The following PDGFC variants were observed in gnomAD, a reference collection of about 807,000 sequenced individuals.
PDGFC encodes the protein platelet derived growth factor C, also known as platelet-derived growth factor C.
Under a neutral mutation model 35.5 loss-of-function variants are expected in PDGFC, and 12 were observed. That is an observed-to-expected ratio of 0.34 (90% CI 0.22 to 0.55). The LOEUF is 0.55. Ranked by LOEUF, PDGFC falls within the 20% of genes least tolerant of loss-of-function variation. The pLI, the probability that PDGFC is intolerant of heterozygous loss-of-function variation, is 0.91. For missense variants in PDGFC, 322 were observed against 412.4 expected (o/e 0.78, Z 1.90); for synonymous variants, 159 against 148.8 (o/e 1.07, Z -0.50).
At chr4:156,784,596 A>G (rs1371711718) in intron 3 of PDGFC, among the ~76,000 whole-genome samples, 1 of 152,180 alleles carries the variant, frequency 6.6e-6, no homozygotes, top group Non-Finnish European at 1.5e-5. Flanking sequence ...ATAAGAAAGA[A>G]TCATAGATTT....
At chr4:156,821,520 T>G (rs547928090) in intron 2 of PDGFC, among the ~76,000 whole-genome samples, 8 of 151,972 alleles carry the variant, frequency 5.3e-5, no homozygotes, top group Non-Finnish European at 1.2e-4. Flanking sequence ...GGGTTACAGA[T>G]GTGAACCACC....
intron 1 of PDGFC, among the ~76,000 whole-genome samples, chr4:156,880,520 A>G (rs986608760): frequency 6.6e-6 from 1 of 152,184 alleles, no homozygotes; most frequent in African/African-American, 2.4e-5. Context: ...GCAGATGTAC[A>G]AGGATATTAA....
In PDGFC at chr4:156,804,156, T is replaced by C. The variant is rs150074878; in HGVS notation, c.495+6681A>G. ...ATCTATTCATATAAAATTCATTTGTTTGAATATAAAAAAATTCACCAAAAT... is the reference window on the plus strand; with the variant it reads ...ATCTATTCATATAAAATTCATTTGTCTGAATATAAAAAAATTCACCAAAAT... On this transcript the variant is annotated intron_variant, in intron 3 of 5. Coordinates refer to ENST00000502773, the MANE Select transcript of PDGFC (RefSeq NM_016205.3). Among the ~76,000 whole-genome samples, 19 of 152,112 alleles carry C rather than the reference T, an allele frequency of 1.2e-4. No homozygotes were observed. In the East Asian group the frequency reaches 1.3e-3, roughly 11 times the overall value.
intron 3 of PDGFC, among the ~76,000 whole-genome samples, chr4:156,797,236 T>TA (rs1330451729): frequency 4.1e-4 from 48 of 117,946 alleles, no homozygotes; most frequent in South Asian, 5.3e-4. Context: ...ACAATCAGTC[T>TA]AAAAAAAAAA....
intron 2 of PDGFC, among the ~76,000 whole-genome samples, chr4:156,824,028 T>G (rs1454947784): frequency 6.6e-6 from 1 of 151,926 alleles, no homozygotes; most frequent in Non-Finnish European, 1.5e-5. Flanking sequence ...CTAAAAAAGT[T>G]GCTCTCATAG....
At chr4:156,870,735 T>C (rs1010209027) in intron 1 of PDGFC, among the ~76,000 whole-genome samples, 7 of 152,264 alleles carry the variant, frequency 4.6e-5, no homozygotes, top group Non-Finnish European at 1.0e-4. Context: ...AAAATCCTTT[T>C]AACACACAGT....
At chr4:156,787,450 G>C (rs1229986279) in intron 3 of PDGFC, among the ~76,000 whole-genome samples, 1 of 152,148 alleles carries the variant, frequency 6.6e-6, no homozygotes, top group South Asian at 2.1e-4. Context: ...AATATGATGA[G>C]CATGAGTTTA....
At chr4:156,895,673 G>A (rs891354648) in intron 1 of PDGFC, among the ~76,000 whole-genome samples, 1 of 150,908 alleles carries the variant, frequency 6.6e-6, no homozygotes, top group Admixed American at 6.6e-5. Flanking sequence ...GTTTCTGAAA[G>A]TAATAAATTC....
At chr4:156,775,067 G>A (rs1358761134) in intron 3 of PDGFC, among the ~76,000 whole-genome samples, 6 of 152,094 alleles carry the variant, frequency 3.9e-5, no homozygotes, top group African/African-American at 1.4e-4. Flanking sequence ...AACTTTGAGA[G>A]TTTATTACCC....
At position 156,772,861 on chromosome 4, in the gene PDGFC, T is replaced by A. The variant is rs1730725963; in HGVS notation, c.528A>T (p.Leu176=). The A allele has an allele frequency of 6.2e-7, 1 of 1,613,080 alleles. No individual in the cohort carries two copies. The highest frequency in any genetic ancestry group is 8.5e-7 in the Non-Finnish European group (1 of 1,179,310). The change falls in exon 4 of 6, where the codon CTA becomes CTT. Residue 176 remains leucine, a synonymous_variant. Transcript: ENST00000502773. Reference sequence around the variant, plus strand: ...GGTCCAGTGGCAAAGCTGAAGGGGGTAGCACTGAAGGACTCACAGCTTCTG... The same window carrying A: ...GGTCCAGTGGCAAAGCTGAAGGGGGAAGCACTGAAGGACTCACAGCTTCTG... ...QFTEAVSPSV[L]PPSALPLDLL...
At chr4:156,858,875 C>T (rs971475591) in intron 1 of PDGFC, among the ~76,000 whole-genome samples, 1 of 151,970 alleles carries the variant, frequency 6.6e-6, no homozygotes, top group Non-Finnish European at 1.5e-5. Flanking sequence ...TAATTTTCTA[C>T]CTGTGTTGGA....
intron 1 of PDGFC, among the ~76,000 whole-genome samples, chr4:156,935,102 T>C (rs1731644973): frequency 6.6e-6 from 1 of 152,078 alleles, no homozygotes; most frequent in South Asian, 2.1e-4. Flanking sequence ...TTCAAGCGAT[T>C]CTCTCCTTCC....
At chr4:156,922,488 C>G (rs1162664378) in intron 1 of PDGFC, among the ~76,000 whole-genome samples, 1 of 152,162 alleles carries the variant, frequency 6.6e-6, no homozygotes, top group African/African-American at 2.4e-5. Flanking sequence ...ATAAGTGTTA[C>G]AATGACATCA....
intron 1 of PDGFC, among the ~76,000 whole-genome samples, chr4:156,883,783 C>A (rs1730310689): frequency 6.6e-6 from 1 of 152,062 alleles, no homozygotes; most frequent in African/African-American, 2.4e-5. Context: ...CCATTATTTT[C>A]TAAATTGTTA....
At chr4:156,831,281 G>T (rs1305086526) in intron 2 of PDGFC, among the ~76,000 whole-genome samples, 2 of 151,302 alleles carry the variant, frequency 1.3e-5, no homozygotes, top group East Asian at 3.9e-4. Context: ...CTCTAATTGT[G>T]GTTATTCACA....
chr4:156,963,804 T>C (rs763237680), intron 1 of PDGFC, among the ~76,000 whole-genome samples: 3 of 152,198 alleles, frequency 2.0e-5, no homozygotes, highest in Admixed American at 2.0e-4. Context: ...GTATCACTTA[T>C]AACAACTTGG....
intron 1 of PDGFC, among the ~76,000 whole-genome samples, chr4:156,863,410 G>A (rs1469552266): frequency 6.6e-6 from 1 of 151,956 alleles, no homozygotes; most frequent in African/African-American, 2.4e-5. Context: ...TTTTCCTATT[G>A]CCTCTTTATT....
chr4:156,807,015 TC>T (rs1731787427), intron 3 of PDGFC, among the ~76,000 whole-genome samples: 1 of 150,722 alleles, frequency 6.6e-6, no homozygotes, highest in East Asian at 1.9e-4. Flanking sequence ...ATCTACCAGG[TC>T]TTTTTTTTTT....
intron 1 of PDGFC, among the ~76,000 whole-genome samples, chr4:156,869,472 A>G (rs887069723): frequency 6.6e-6 from 1 of 152,130 alleles, no homozygotes; most frequent in African/African-American, 2.4e-5. Flanking sequence ...AATAATGCTT[A>G]TCACATAGCT....
Sources: gnomAD v4.1 joint callset for allele counts (sites outside exome capture counted in the v4.1 genomes callset) on GRCh38, gnomAD v4.1.1 for gene constraint, MANE v1.5 for transcripts, NCBI Gene and HGNC (gene_info 2026-07-23, HGNC 2026-07-21) for gene names.